The following CENPT variants were observed in gnomAD, a reference collection of about 807,000 sequenced individuals.
CENPT encodes the protein interphase centromere complex protein 22.
A neutral mutation model predicts 59.7 loss-of-function variants in CENPT; 42 were observed. The ratio of observed to expected loss-of-function variants is 0.70; its 90% CI spans 0.55 to 0.91. CENPT has a LOEUF of 0.91. Among genes scored for constraint, CENPT ranks in the 40% least tolerant of loss-of-function variants. The probability of loss-of-function intolerance (pLI) is 0.00; values close to 1 mark genes in which losing one functional copy is unlikely to be tolerated. For synonymous variants in CENPT, 295 were observed against 289.6 expected (o/e 1.02, Z -0.19); for missense variants, 716 against 713.4 (o/e 1.00, Z -0.04).
intron 10 of CENPT, 22 bp from the exon 11 acceptor site, chr16:67,830,570 G>T (rs1243401998): frequency 6.2e-7 from 1 of 1,610,812 alleles, no homozygotes; most frequent in East Asian, 2.2e-5. Context: ...GTAGTAACAG[G>T]TTCTGAGGCT....
chr16:67,831,554 C>A (rs760831431), intron 9 of CENPT, 22 bp downstream of exon 9: 11 of 1,613,612 alleles, frequency 6.8e-6, no homozygotes, highest in Middle Eastern at 1.6e-4. Flanking sequence ...ACTCCCAGAA[C>A]AGGAAACACC....
intron 13 of CENPT, 69 bp from the exon 14 acceptor site, chr16:67,828,912 G>T: frequency 6.7e-7 from 1 of 1,483,544 alleles, no homozygotes; most frequent in Non-Finnish European, 9.0e-7. Context: ...AGCAAGTCTT[G>T]CTGGCTTCTG....
Position 67,843,660 on chromosome 16 carries a change from T to A in CENPT, c.-492+3741A>T. The A allele has an allele frequency of 2.9e-6, 2 of 695,594 alleles. No homozygotes were observed. Among genetic ancestry groups the A allele is most frequent in the Non-Finnish European group, 4.8e-6 (2 of 420,898 alleles). 43.1% of individuals were successfully genotyped at this position (695,594 alleles called of 1,614,324 possible). A position where few individuals can be genotyped will look rare whatever the true frequency, so the allele number is the denominator to read the frequency against. Reference sequence around the variant, plus strand: ...TGACCTGGCATCCTCAATTGTTTCCTCCTGAAGTGGAAGCTGGGGCCTTAG... The same window carrying A: ...TGACCTGGCATCCTCAATTGTTTCCACCTGAAGTGGAAGCTGGGGCCTTAG... On this transcript the variant is annotated intron_variant, in intron 1 of 15. Coordinates refer to ENST00000562787, the MANE Select transcript of CENPT (RefSeq NM_025082.4). The surrounding 1 kb of genome is among the most constrained non-coding windows in gnomAD (Gnocchi z 5.7).
intron 13 of CENPT, 64 bp downstream of exon 13, chr16:67,829,359 T>G (rs2057654880): frequency 4.5e-6 from 6 of 1,321,030 alleles, no homozygotes; most frequent in Non-Finnish European, 6.3e-6. Flanking sequence ...GGACCCTATG[T>G]ACACAGCATA....
chr16:67,842,920 ACAG>A lies in CENPT; in HGVS notation c.-492+4478_-492+4480del, dbSNP rs377516180. ...AGCAGCAACAGCAGCAGCAGCAGCAACAGCAGCAGCAGCAGCAGCAGCAGCAGC... is the reference window on the plus strand; with the variant it reads ...AGCAGCAACAGCAGCAGCAGCAGCAACAGCAGCAGCAGCAGCAGCAGCAGC... On this transcript the variant is annotated intron_variant, in intron 1 of 15. Coordinates refer to ENST00000562787, the MANE Select transcript of CENPT (RefSeq NM_025082.4). The surrounding 1 kb of genome is among the most constrained non-coding windows in gnomAD (Gnocchi z 4.9). 264,248 of 1,303,228 alleles carry A rather than the reference ACAG, an allele frequency of 0.2. 12,780 individuals are homozygous for A. Among genetic ancestry groups the A allele is most frequent in the African/African-American group, 0.44 (30,571 of 69,248 alleles). The allele number at this position is 1,303,228 out of a possible 1,614,324, so 80.7% of individuals were successfully genotyped here. A position where few individuals can be genotyped will look rare whatever the true frequency, so the allele number is the denominator to read the frequency against.
chr16:67,836,266 TG>T (rs745616286), intron 1 of CENPT, among the ~76,000 whole-genome samples: 1 of 148,596 alleles, frequency 6.7e-6, no homozygotes, highest in Non-Finnish European at 1.5e-5. Flanking sequence ...TTCACCATGT[TG>T]GCCAAGATGG....
Position 67,831,574 on chromosome 16 carries a change from AC to A in CENPT, c.560+1del. ...CAGAACAGGAAACACCCAGAGCAGC[AC>A]CTGGTGAGGGAAGAGGCATCAGCAT... On this transcript the variant is annotated splice_donor_variant, in intron 9 of 15. Coordinates refer to ENST00000562787, the MANE Select transcript of CENPT (RefSeq NM_025082.4). LOFTEE classifies it high-confidence loss of function. The A allele has an allele frequency of 6.2e-7, 1 of 1,614,070 alleles. No individual in the cohort carries two copies. The highest frequency in any genetic ancestry group is 1.1e-5 in the South Asian group (1 of 91,080).
At position 67,832,221 on chromosome 16, in the gene CENPT, C is replaced by T. The variant is rs1339134098; in HGVS notation, c.289+7G>A. On this transcript the variant is annotated splice_region_variant and intron_variant, in intron 6 of 15. Transcript: ENST00000562787. Reference sequence around the variant, plus strand: ...TAACTCTGACCGGCAGGCCAGCGCTCACTTACCAGTTAGTAGGATGTTCTT... The same window carrying T: ...TAACTCTGACCGGCAGGCCAGCGCTTACTTACCAGTTAGTAGGATGTTCTT... The T allele has an allele frequency of 1.2e-6, 2 of 1,613,966 alleles. No individual in the cohort carries two copies. The highest frequency in any genetic ancestry group is 2.2e-5 in the East Asian group (1 of 44,874).
At position 67,829,896 on chromosome 16, in the gene CENPT, G is replaced by C; in HGVS notation, c.1055C>G (p.Ala352Gly). ...VSVSEMEATG[A>G]QGPSRVEEAE... ...CTCTTCTACCCTGCTGGGTCCTTGT[G>C]CTCCTGTTGCCTCCATTTCACTCAC... Residue 352 changes from alanine (A) to glycine (G), a missense_variant, in exon 12 of 16, where the codon GCA (alanine) becomes GGA (glycine). Transcript: ENST00000562787. 1 of 1,614,224 alleles carries C rather than the reference G, an allele frequency of 6.2e-7. No homozygotes were observed. Among genetic ancestry groups the C allele is most frequent in the Non-Finnish European group, 8.5e-7 (1 of 1,180,036 alleles).
At position 67,841,193 on chromosome 16, in the gene CENPT, CAAAAAAAAAAAA is replaced by C. The variant is rs772893427; in HGVS notation, c.-491-5547_-491-5536del. 4.6e-3 allele frequency among the ~76,000 whole-genome samples: 127 copies of C among 27,574 alleles called. 1 individual carries two copies. Among genetic ancestry groups the C allele is most frequent in the Non-Finnish European group, 8.8e-3 (109 of 12,356 alleles). The allele number at this position is 27,574 out of a possible 152,430, so 18.1% of individuals were successfully genotyped here. A position where few individuals can be genotyped will look rare whatever the true frequency, so the allele number is the denominator to read the frequency against. On this transcript the variant is annotated intron_variant, in intron 1 of 15. Coordinates refer to ENST00000562787, the MANE Select transcript of CENPT (RefSeq NM_025082.4). Reference sequence around the variant, plus strand: ...CTGGCGACACAGTGAGACTCCTTTACAAAAAAAAAAAAAAAAAAAAAAAAAAAAGATTCCCTC... The same window carrying C: ...CTGGCGACACAGTGAGACTCCTTTACAAAAAAAAAAAAAAAAGATTCCCTC...
At position 67,831,858 on chromosome 16, in the gene CENPT, G is replaced by A. The variant is rs746006421; in HGVS notation, c.419C>T (p.Pro140Leu). 5.0e-6 allele frequency: 8 copies of A among 1,611,596 alleles called. No homozygotes were observed. Among genetic ancestry groups the A allele is most frequent in the African/African-American group, 2.7e-5 (2 of 74,920 alleles). Residue 140 changes from proline (P) to leucine (L), a missense_variant, in exon 8 of 16, where the codon CCC (proline) becomes CTC (leucine). Transcript: ENST00000562787. ...CAGCAGACCTGGAGCCAGGGTTGTGGGGGGCTCGAGCTCAGGAAGTTGCAG... is the reference window on the plus strand; with the variant it reads ...CAGCAGACCTGGAGCCAGGGTTGTGAGGGGCTCGAGCTCAGGAAGTTGCAG... ...LELQLPELEP[P>L]TTLAPGLLAP...
rs779214306 is a variant in CENPT at position 67,829,679 on chromosome 16, C to A, written c.1186+86G>T. The stretch of plus-strand genomic sequence containing the variant: ...CTGACCCCCTACCACCACCAGTGCC[C>A]GGAAACACAACCCAGACAAGGCCTT... On this transcript the variant is annotated intron_variant, in intron 12 of 15. Transcript: ENST00000562787. 91 of 1,468,314 alleles carry A rather than the reference C, an allele frequency of 6.2e-5. No homozygotes were observed. In the African/African-American group the frequency reaches 7.6e-4, roughly 12 times the overall value. The allele number at this position is 1,468,314 out of a possible 1,614,324, so 91.0% of individuals were successfully genotyped here.
intron 1 of CENPT, among the ~76,000 whole-genome samples, chr16:67,838,496 C>A (rs1361918195): frequency 6.6e-6 from 1 of 152,044 alleles, no homozygotes; most frequent in Admixed American, 6.6e-5. Flanking sequence ...GTGGTTCATG[C>A]CTGTAGTCCC....
rs1473636832 is a variant in CENPT at position 67,843,206 on chromosome 16, C to T, written c.-492+4195G>A. 3.7e-6 allele frequency: 6 copies of T among 1,611,606 alleles called. No individual in the cohort carries two copies. The African/African-American group carries it at 6.7e-5, about 18-fold the overall frequency. ...GGAGTTACAGGCTGCTACCGCAGGGCTGGAGGCTGCCGAGTGCCCTATGGG... is the reference window on the plus strand; with the variant it reads ...GGAGTTACAGGCTGCTACCGCAGGGTTGGAGGCTGCCGAGTGCCCTATGGG... On this transcript the variant is annotated intron_variant, in intron 1 of 15. Coordinates refer to ENST00000562787, the MANE Select transcript of CENPT (RefSeq NM_025082.4). This position sits in a 1 kb window ranked among gnomAD's most constrained non-coding sequence, Gnocchi z 5.7.
intron 1 of CENPT, among the ~76,000 whole-genome samples, chr16:67,836,517 A>T (rs2057735619): frequency 6.7e-6 from 1 of 148,754 alleles, no homozygotes; most frequent in African/African-American, 2.5e-5. Context: ...GCTCACTGCA[A>T]CCTCTGCCTC....
chr16:67,832,039 G>A lies in CENPT; in HGVS notation c.359C>T (p.Pro120Leu). Reference protein sequence around the residue: ...KPVPAPQAVQPSRQESSCGSL... With the variant: ...KPVPAPQAVQLSRQESSCGSL... Reference sequence around the variant, plus strand: ...GCCGCAACTGCTCTCTTGTCTGGAGGGTTGGACCGCCTGCGGTGCTGGCAC... The same window carrying A: ...GCCGCAACTGCTCTCTTGTCTGGAGAGTTGGACCGCCTGCGGTGCTGGCAC... Residue 120 changes from proline (P) to leucine (L), a missense_variant, in exon 7 of 16, where the codon CCC becomes CTC. Coordinates refer to ENST00000562787, the MANE Select transcript of CENPT (RefSeq NM_025082.4). 6.2e-7 allele frequency: 1 copy of A among 1,609,830 alleles called. No individual in the cohort carries two copies. The highest frequency in any genetic ancestry group is 8.5e-7 in the Non-Finnish European group (1 of 1,177,216).
At chr16:67,829,311 C>G (rs2057653608) in intron 13 of CENPT, 112 bp downstream of exon 13, 5 of 858,248 alleles carry the variant, frequency 5.8e-6, no homozygotes, top group Non-Finnish European at 8.6e-6. Flanking sequence ...TGAAGCTGCC[C>G]TGCTGGGTAA....
rs751597104 is a variant in CENPT at position 67,828,356 on chromosome 16, C to T, written c.1597G>A (p.Val533Met). ...GLVTDQVSLH[V>M]LVERHLPLEY... ...AGGGGCAGGTGCCGCTCCACTAGCA[C>T]GTGCAGTGAGACTTGGTCAGTGACC... Residue 533 changes from valine (V) to methionine (M), a missense_variant, in exon 16 of 16, where the codon GTG becomes ATG. Val to Met is a conservative substitution (Grantham distance 21, BLOSUM62 1). Transcript: ENST00000562787. 11 of 1,609,902 alleles carry T rather than the reference C, an allele frequency of 6.8e-6. No homozygotes were observed. Among genetic ancestry groups the T allele is most frequent in the African/African-American group, 2.7e-5 (2 of 74,814 alleles).
At chr16:67,839,630 T>C (rs955338426) in intron 1 of CENPT, among the ~76,000 whole-genome samples, 1 of 152,144 alleles carries the variant, frequency 6.6e-6, no homozygotes. Flanking sequence ...CCCAGCACTT[T>C]GGGAGGCCGA....
Sources: allele counts gnomAD v4.1 joint callset (sites outside exome capture counted in the v4.1 genomes callset), GRCh38; gene constraint gnomAD v4.1.1; non-coding constraint Gnocchi (gnomAD v3.1); transcripts MANE v1.5; gene names NCBI Gene and HGNC (gene_info 2026-07-23, HGNC 2026-07-21).